The following NPAS3 variants were observed in gnomAD, a reference collection of about 807,000 sequenced individuals.
NPAS3 encodes neuronal PAS domain-containing protein 3.
NPAS3 carries 14 observed loss-of-function variants against 73.1 expected under a neutral mutation model. That is an observed-to-expected ratio of 0.19 (90% CI 0.13 to 0.30). The LOEUF is 0.30. Among genes scored for constraint, NPAS3 ranks in the 10% least tolerant of loss-of-function variants. The pLI, the probability that NPAS3 is intolerant of heterozygous loss-of-function variation, is 1.00. For missense variants in NPAS3, 1,096 were observed against 1,250.0 expected (o/e 0.88, Z 1.86); for synonymous variants, 620 against 541.5 (o/e 1.14, Z -2.01).
At chr14:33,104,985 T>A (rs1397098432) in intron 2 of NPAS3, among the ~76,000 whole-genome samples, 1 of 152,192 alleles carries the variant, frequency 6.6e-6, no homozygotes, top group Non-Finnish European at 1.5e-5. Flanking sequence ...AGGAAGGTTT[T>A]ACTAGCCAAC....
At chr14:33,298,035 A>G (rs1378458432) in intron 3 of NPAS3, among the ~76,000 whole-genome samples, 1 of 152,192 alleles carries the variant, frequency 6.6e-6, no homozygotes, top group African/African-American at 2.4e-5. Context: ...TAATCCCAGC[A>G]CTTTGGGAGG....
At chr14:32,963,897 T>C (rs1288335669) in intron 1 of NPAS3, among the ~76,000 whole-genome samples, 1 of 151,778 alleles carries the variant, frequency 6.6e-6, no homozygotes, top group African/African-American at 2.4e-5. Flanking sequence ...TAAAGAAAAA[T>C]ACACTGAGAA....
chr14:33,500,308 C>G (rs2052448075), intron 4 of NPAS3, among the ~76,000 whole-genome samples: 1 of 151,854 alleles, frequency 6.6e-6, no homozygotes, highest in African/African-American at 2.4e-5. Flanking sequence ...AGCTGGAGTT[C>G]TCTGAAGGTA....
At chr14:33,661,711 A>G (rs2059313529) in intron 5 of NPAS3, among the ~76,000 whole-genome samples, 1 of 152,140 alleles carries the variant, frequency 6.6e-6, no homozygotes, top group African/African-American at 2.4e-5. Context: ...ACATCTGACA[A>G]TACTGGCTTT....
chr14:33,737,655 C>A (rs2061556497), intron 7 of NPAS3, among the ~76,000 whole-genome samples: 1 of 152,152 alleles, frequency 6.6e-6, no homozygotes, highest in South Asian at 2.1e-4. Context: ...CTGCAGTGAA[C>A]TTCCCTCATT....
chr14:33,719,975 A>G (rs1259521212), intron 6 of NPAS3, among the ~76,000 whole-genome samples: 2 of 152,220 alleles, frequency 1.3e-5, no homozygotes, highest in Non-Finnish European at 2.9e-5. Flanking sequence ...AAGAGATTTC[A>G]TGTCTAAAAA....
intron 4 of NPAS3, among the ~76,000 whole-genome samples, chr14:33,484,897 G>T (rs994177038): frequency 1.6e-4 from 24 of 152,122 alleles, no homozygotes; most frequent in African/African-American, 5.8e-4. Context: ...ACCCTTCACA[G>T]ATTTCATTTT....
At chr14:33,359,441 C>T (rs79624763) in intron 3 of NPAS3, among the ~76,000 whole-genome samples, 1,605 of 152,314 alleles carry the variant, frequency 0.011, 17 homozygotes, top group Non-Finnish European at 0.016. Context: ...TTACCAGCAA[C>T]TGCAACTGAC....
At chr14:33,577,000 G>A (rs925963866) in intron 5 of NPAS3, among the ~76,000 whole-genome samples, 2 of 152,116 alleles carry the variant, frequency 1.3e-5, no homozygotes, top group East Asian at 1.9e-4. Flanking sequence ...TTTAAAAAAC[G>A]TGTCAGCAGG....
chr14:33,412,897 A>G (rs2047989973), intron 4 of NPAS3, among the ~76,000 whole-genome samples: 1 of 152,234 alleles, frequency 6.6e-6, no homozygotes, highest in Non-Finnish European at 1.5e-5. Context: ...GCTAGGAACT[A>G]GGAATACAGA....
intron 4 of NPAS3, among the ~76,000 whole-genome samples, chr14:33,434,053 G>C (rs576450622): frequency 6.6e-6 from 1 of 152,056 alleles, no homozygotes; most frequent in South Asian, 2.1e-4. Context: ...TTAGCTGGGC[G>C]TGGTGGCAGG....
chr14:33,622,784 G>T (rs771095125), intron 5 of NPAS3, among the ~76,000 whole-genome samples: 1 of 152,132 alleles, frequency 6.6e-6, no homozygotes, highest in Non-Finnish European at 1.5e-5. Context: ...ATAGTTGAGA[G>T]TAAAAATGAA....
chr14:33,528,852 G>A (rs1205236375), intron 4 of NPAS3, among the ~76,000 whole-genome samples: 2 of 152,108 alleles, frequency 1.3e-5, no homozygotes, highest in East Asian at 3.9e-4. Context: ...AGGAATAGCG[G>A]TCACGTGTCA....
At chr14:33,749,777 C>T (rs919547640) in intron 7 of NPAS3, among the ~76,000 whole-genome samples, 1 of 152,168 alleles carries the variant, frequency 6.6e-6, no homozygotes, top group African/African-American at 2.4e-5. Context: ...GCAGAGCACT[C>T]AGTAAGTGAA....
chr14:33,392,318 A>T (rs1396970136), intron 4 of NPAS3, among the ~76,000 whole-genome samples: 3 of 152,176 alleles, frequency 2.0e-5, no homozygotes, highest in Non-Finnish European at 4.4e-5. Context: ...TTTACAACTG[A>T]TTTCTTTACA....
intron 4 of NPAS3, among the ~76,000 whole-genome samples, chr14:33,480,168 A>G (rs1272683052): frequency 6.6e-6 from 1 of 152,188 alleles, no homozygotes; most frequent in Non-Finnish European, 1.5e-5. Flanking sequence ...GGGATAGAGT[A>G]GGTCTTATTC....
chr14:33,563,564 AGG>A (rs2055772454), intron 5 of NPAS3, among the ~76,000 whole-genome samples: 1 of 149,812 alleles, frequency 6.7e-6, no homozygotes, highest in Non-Finnish European at 1.5e-5. Flanking sequence ...AGAGAGAGAG[AGG>A]AGAGATGTAT....
intron 4 of NPAS3, among the ~76,000 whole-genome samples, chr14:33,462,881 G>T (rs1304538544): frequency 6.6e-6 from 1 of 152,188 alleles, no homozygotes; most frequent in Non-Finnish European, 1.5e-5. Flanking sequence ...TTATTGAGCT[G>T]ATAAAAGGGT....
intron 1 of NPAS3, among the ~76,000 whole-genome samples, chr14:33,019,506 C>T (rs1227224797): frequency 2.6e-5 from 4 of 151,892 alleles, no homozygotes; most frequent in African/African-American, 9.7e-5. Flanking sequence ...GGGATGGTTT[C>T]CTTTTCTATC....
Sources: gnomAD v4.1 joint callset for allele counts (sites outside exome capture counted in the v4.1 genomes callset) on GRCh38, gnomAD v4.1.1 for gene constraint, MANE v1.5 for transcripts, NCBI Gene and HGNC (gene_info 2026-07-23, HGNC 2026-07-21) for gene names.